Variants in CYRIA observed in about 807,000 individuals in gnomAD.
CYRIA encodes CYFIP-related Rac1 interactor A.
A neutral mutation model predicts 43.9 loss-of-function variants in CYRIA; 15 were observed. The observed-to-expected ratio is 0.34, with a 90% confidence interval of 0.23 to 0.53. The LOEUF (loss-of-function observed/expected upper bound fraction) is 0.53, where lower values mean the gene tolerates loss of function less well. CYRIA is among the 20% of genes least tolerant of loss of function. The pLI, the probability that CYRIA is intolerant of heterozygous loss-of-function variation, is 0.94. For missense variants in CYRIA, 236 were observed against 394.2 expected (o/e 0.60, Z 3.40); for synonymous variants, 117 against 136.0 (o/e 0.86, Z 0.97).
At chr2:16,628,961 A>T (rs898493624) in intron 1 of CYRIA, among the ~76,000 whole-genome samples, 1 of 152,182 alleles carries the variant, frequency 6.6e-6, no homozygotes, top group Non-Finnish European at 1.5e-5. Flanking sequence ...CAAACAGTGT[A>T]TTTTAAAAGA....
At chr2:16,560,566 G>A (rs1261429145) in intron 9 of CYRIA, 1 of 181,960 alleles carries the variant, frequency 5.5e-6, no homozygotes, top group Non-Finnish European at 1.2e-5. Flanking sequence ...GGTACAAAAA[G>A]AGACAGAGAG....
intron 11 of CYRIA, among the ~76,000 whole-genome samples, chr2:16,554,377 TC>T (rs1339452593): frequency 6.6e-6 from 1 of 152,000 alleles, no homozygotes; most frequent in African/African-American, 2.4e-5. Context: ...AAAAAAAGCA[TC>T]CCCTCTCTGA....
chr2:16,625,287 G>A (rs1392366167), intron 1 of CYRIA, among the ~76,000 whole-genome samples: 1 of 152,000 alleles, frequency 6.6e-6, no homozygotes, highest in Non-Finnish European at 1.5e-5. Flanking sequence ...GCAGCAGCAA[G>A]AGGGCACCTC....
intron 3 of CYRIA, among the ~76,000 whole-genome samples, chr2:16,578,260 C>A (rs191499553): frequency 6.6e-6 from 1 of 152,134 alleles, no homozygotes; most frequent in African/African-American, 2.4e-5. Context: ...AGTGGACTGA[C>A]AGAAGAAAAG....
chr2:16,642,215 C>T (rs566833311), intron 1 of CYRIA, among the ~76,000 whole-genome samples: 2 of 152,276 alleles, frequency 1.3e-5, no homozygotes, highest in East Asian at 3.9e-4. Context: ...CAGCAGTCTA[C>T]TCAGAAGCTA....
chr2:16,654,867 G>A (rs544326884), intron 1 of CYRIA, among the ~76,000 whole-genome samples: 1 of 152,304 alleles, frequency 6.6e-6, no homozygotes, highest in South Asian at 2.1e-4. Flanking sequence ...GACTGGGCAA[G>A]CTATAAGTCA....
chr2:16,591,269 C>G (rs1019198993), intron 2 of CYRIA, among the ~76,000 whole-genome samples: 1 of 151,978 alleles, frequency 6.6e-6, no homozygotes, highest in African/African-American at 2.4e-5. Context: ...TAAGATAAAG[C>G]TAGAGGCAAG....
chr2:16,552,350 T>C lies in CYRIA; in HGVS notation c.*586A>G, dbSNP rs986029520. ...AAATTAAAGGAGAACATTAGAGGGA[T>C]ATAAATCCAAACAGAAAAGGAGTAT... On this transcript the variant is annotated 3_prime_UTR_variant, in exon 12 of 12. Coordinates refer to ENST00000381323, the MANE Select transcript of CYRIA (RefSeq NM_030797.4). The C allele has an allele frequency of 6.6e-6, 1 of 152,056 alleles. No homozygotes were observed. The highest frequency in any genetic ancestry group is 1.5e-5 in the Non-Finnish European group (1 of 68,046). The allele number at this position is 152,056 out of a possible 1,614,324, so 9.4% of individuals were successfully genotyped here. A position where few individuals can be genotyped will look rare whatever the true frequency, so the allele number is the denominator to read the frequency against.
Position 16,592,798 on chromosome 2 carries a change from CA to C in CYRIA, c.-10-4670del, listed in dbSNP as rs200077296. Among the ~76,000 whole-genome samples the C allele has an allele frequency of 8.7e-5, 13 of 149,120 alleles. No individual in the cohort carries two copies. The East Asian group carries it at 9.8e-4, about 11-fold the overall frequency. On this transcript the variant is annotated intron_variant, in intron 2 of 11. Transcript: ENST00000381323. Reference sequence around the variant, plus strand: ...TATGACTTTTTCCTTGTTTTTCAATCAAAAAAAAAGAAAAAAACAAAAAGCT... The same window carrying C: ...TATGACTTTTTCCTTGTTTTTCAATCAAAAAAAAGAAAAAAACAAAAAGCT...
intron 3 of CYRIA, among the ~76,000 whole-genome samples, chr2:16,586,970 T>C (rs1455821608): frequency 6.6e-6 from 1 of 152,114 alleles, no homozygotes; most frequent in African/African-American, 2.4e-5. Context: ...ATGTTCCTCA[T>C]TCATATACTC....
At chr2:16,579,714 C>T (rs1667481085) in intron 3 of CYRIA, among the ~76,000 whole-genome samples, 1 of 151,782 alleles carries the variant, frequency 6.6e-6, no homozygotes, top group Non-Finnish European at 1.5e-5. Flanking sequence ...AGACAAAATA[C>T]AGTACCAAAA....
intron 11 of CYRIA, among the ~76,000 whole-genome samples, chr2:16,553,600 T>A (rs1666395498): frequency 6.6e-6 from 1 of 152,176 alleles, no homozygotes; most frequent in South Asian, 2.1e-4. Context: ...AATAACTTTG[T>A]AAAGGTGAGG....
chr2:16,656,459 A>G (rs1029536733), intron 1 of CYRIA, among the ~76,000 whole-genome samples: 1 of 152,062 alleles, frequency 6.6e-6, no homozygotes, highest in African/African-American at 2.4e-5. Flanking sequence ...TGTGAACCAT[A>G]TTTACAGCTC....
intron 2 of CYRIA, among the ~76,000 whole-genome samples, chr2:16,604,780 C>T (rs1389266638): frequency 1.3e-5 from 2 of 152,240 alleles, no homozygotes; most frequent in Non-Finnish European, 2.9e-5. Context: ...GCTGGGCTTG[C>T]ACATCCCTGC....
intron 3 of CYRIA, among the ~76,000 whole-genome samples, chr2:16,574,517 G>A (rs1169062222): frequency 6.6e-6 from 1 of 152,202 alleles, no homozygotes; most frequent in Admixed American, 6.5e-5. Context: ...CCCATTACAG[G>A]CCTGGAAGCC....
At chr2:16,660,428 T>G (rs986227826) in intron 1 of CYRIA, among the ~76,000 whole-genome samples, 1 of 152,126 alleles carries the variant, frequency 6.6e-6, no homozygotes, top group Non-Finnish European at 1.5e-5. Flanking sequence ...ATTGACTCTA[T>G]TGAAGTAAGA....
intron 1 of CYRIA, among the ~76,000 whole-genome samples, chr2:16,629,827 C>T (rs1303001148): frequency 1.3e-5 from 2 of 151,910 alleles, no homozygotes; most frequent in African/African-American, 2.4e-5. Flanking sequence ...TACCATTCAA[C>T]ACACAACAGC....
chr2:16,616,677 C>T (rs962632289), intron 2 of CYRIA, among the ~76,000 whole-genome samples: 8 of 152,228 alleles, frequency 5.3e-5, no homozygotes, highest in African/African-American at 1.4e-4. Context: ...TTTGAACCTA[C>T]GTTGTATGGC....
chr2:16,608,391 T>C (rs1668480180), intron 2 of CYRIA, among the ~76,000 whole-genome samples: 1 of 152,318 alleles, frequency 6.6e-6, no homozygotes, highest in South Asian at 2.1e-4. Flanking sequence ...TGATACACTT[T>C]CAGGAGGTAA....
Sources: gnomAD v4.1 joint callset for allele counts (sites outside exome capture counted in the v4.1 genomes callset) on GRCh38, gnomAD v4.1.1 for gene constraint, MANE v1.5 for transcripts, NCBI Gene and HGNC (gene_info 2026-07-23, HGNC 2026-07-21) for gene names.